SHOX: variants seen among roughly 807,000 people sequenced by gnomAD.
SHOX encodes SHOX homeobox.
SHOX carries 12 observed loss-of-function variants against 29.6 expected under a neutral mutation model. That is an observed-to-expected ratio of 0.41 (90% CI 0.26 to 0.66). The LOEUF is 0.66. Among genes scored for constraint, SHOX ranks in the 30% least tolerant of loss-of-function variants. SHOX has a pLI of 0.35. For synonymous variants in SHOX, 214 were observed against 200.6 expected, an observed-to-expected ratio of 1.07 and a Z score of -0.57; for missense variants, 499 against 437.7, an observed-to-expected ratio of 1.14 and a Z score of -1.25.
rs930279874 is a variant in SHOX at position 640,753 on chromosome X, G to C, written c.487-68G>C. 24 of 1,572,576 alleles carry C rather than the reference G, an allele frequency of 1.5e-5. No homozygotes were observed. The African/African-American group carries it at 3.1e-4, about 20-fold the overall frequency. On this transcript the variant is annotated intron_variant, in intron 2 of 4. Transcript: ENST00000686671. ...AGTGCTTGGTTCAGCCTCATGGGAA[G>C]GATGCTCCCTGGGGAGGCTGGGCTG... is the stretch of plus-strand genomic sequence containing the variant.
At position 630,912 on chromosome X, in the gene SHOX, G is replaced by A. The variant is rs2052635396; in HGVS notation, c.15G>A (p.Thr5=). 3 of 1,613,420 alleles carry A rather than the reference G, an allele frequency of 1.9e-6. No individual in the cohort carries two copies. Among genetic ancestry groups the A allele is most frequent in the South Asian group, 2.2e-5 (2 of 91,074 alleles). ...CGGCCCCAGCCATGGAAGAGCTCAC[G>A]GCTTTTGTATCCAAGTCTTTTGACC... is the stretch of plus-strand genomic sequence containing the variant. MEEL[T]AFVSKSFDQK... Residue 5 remains threonine (T), a synonymous_variant, in exon 1 of 5, where the codon ACG becomes ACA. Transcript: ENST00000686671.
At chrX:655,612 CTCTATATATATATATATATATA>C (rs1259910110), downstream of SHOX, among the ~76,000 whole-genome samples, 163 of 15,682 alleles carry the variant, frequency 0.01, 1 homozygote, top group Middle Eastern at 0.062. Context: ...CTCTCTCTCT[CTCTATATATATATATATATATA>C]TATATATATA....
chrX:633,176 G>C (rs2052679554), intron 1 of SHOX, among the ~76,000 whole-genome samples: 1 of 152,096 alleles, frequency 6.6e-6, no homozygotes, highest in South Asian at 2.1e-4. Context: ...GGGCAGGGGA[G>C]AGTCTGAGGT....
intron 1 of SHOX, among the ~76,000 whole-genome samples, chrX:631,716 A>G (rs1446924110): frequency 2.6e-5 from 4 of 152,040 alleles, no homozygotes; most frequent in African/African-American, 7.2e-5. Flanking sequence ...GCTTTTAGTA[A>G]AGACGGGGAT....
At position 648,889 on chromosome X, in the gene SHOX, C is replaced by CTCCTTCCTTCCT. The variant is rs372634110; in HGVS notation, c.*4263_*4274dup. Among the ~76,000 whole-genome samples, 23 of 141,852 alleles carry CTCCTTCCTTCCT rather than the reference C, an allele frequency of 1.6e-4. No individual in the cohort carries two copies. Among genetic ancestry groups the CTCCTTCCTTCCT allele is most frequent in the African/African-American group, 3.7e-4 (14 of 37,600 alleles). The allele number at this position is 141,852 out of a possible 152,430, so 93.1% of individuals were successfully genotyped here. A position where few individuals can be genotyped will look rare whatever the true frequency, so the allele number is the denominator to read the frequency against. The stretch of plus-strand genomic sequence containing the variant: ...ACCAACGCCCTCTTCTCTCTCCCTT[C>CTCCTTCCTTCCT]TCCTTCCTTCCTTCCTTCCTTTCTT... On this transcript the variant is annotated 3_prime_UTR_variant, in exon 5 of 5. Coordinates refer to ENST00000686671, the MANE Select transcript of SHOX (RefSeq NM_000451.4).
chrX:640,384 C>G (rs747785973), intron 2 of SHOX, among the ~76,000 whole-genome samples: 1 of 151,608 alleles, frequency 6.6e-6, no homozygotes, highest in Non-Finnish European at 1.5e-5. Context: ...AAGAGACCAG[C>G]CTGGCCAACA....
chrX:641,622 G>A (rs1165113900), intron 4 of SHOX, among the ~76,000 whole-genome samples: 2 of 150,566 alleles, frequency 1.3e-5, no homozygotes, highest in African/African-American at 4.9e-5. Context: ...GGAGGTTGCC[G>A]TGAGCCAATA....
At chrX:625,279 C>G (rs1366439642) in intron 1 of SHOX, among the ~76,000 whole-genome samples, 4 of 144,652 alleles carry the variant, frequency 2.8e-5, no homozygotes, top group Non-Finnish European at 4.5e-5. Flanking sequence ...TGCCATTTGT[C>G]TCTTTCCCCT....
At chrX:629,731 GA>G (rs1250671181), upstream of SHOX, among the ~76,000 whole-genome samples, 1 of 152,098 alleles carries the variant, frequency 6.6e-6, no homozygotes, top group Non-Finnish European at 1.5e-5. Flanking sequence ...GTTACGGGAG[GA>G]AGGGGACTCC....
At chrX:634,484 A>ACC in intron 1 of SHOX, 134 bp from the exon 2 acceptor site, 1 of 903,794 alleles carries the variant, frequency 1.1e-6, no homozygotes, top group South Asian at 1.4e-5. Context: ...TGCCTTATGG[A>ACC]CCCCACGCAG....
At chrX:652,707 C>T (rs1450753602), downstream of SHOX, among the ~76,000 whole-genome samples, 1 of 152,196 alleles carries the variant, frequency 6.6e-6, no homozygotes, top group African/African-American at 2.4e-5. Context: ...GTGTCCAGGC[C>T]ATTCTGCAAA....
At chrX:634,927 C>T in intron 2 of SHOX, 101 bp downstream of exon 2, 1 of 1,292,194 alleles carries the variant, frequency 7.7e-7, no homozygotes, top group Non-Finnish European at 1.0e-6. Flanking sequence ...CGCCGCCGTC[C>T]CCTTCCCGGA....
upstream of SHOX, among the ~76,000 whole-genome samples, chrX:626,259 C>T (rs2052530761): frequency 6.7e-6 from 1 of 150,336 alleles, no homozygotes; most frequent in African/African-American, 2.5e-5. Flanking sequence ...TCCTCTCTCT[C>T]TGTCTCTTTT....
chrX:655,596 C>G (rs1251529885), downstream of SHOX, among the ~76,000 whole-genome samples: 3 of 68,814 alleles, frequency 4.4e-5, no homozygotes, highest in African/African-American at 1.7e-4. Context: ...CTCTCTCTCT[C>G]TCTCTCTCTC....
chrX:655,503 G>A (rs1458583533), downstream of SHOX, among the ~76,000 whole-genome samples: 10 of 150,530 alleles, frequency 6.6e-5, no homozygotes, highest in African/African-American at 2.0e-4. Context: ...ACTGTGGGAG[G>A]CTGAGGCAGA....
In SHOX at chrX:644,811, G is replaced by T; in HGVS notation, c.*175G>T. The T allele has an allele frequency of 1.3e-6, 1 of 783,256 alleles. No homozygotes were observed. The highest frequency in any genetic ancestry group is 1.8e-6 in the Non-Finnish European group (1 of 552,442). The allele number at this position is 783,256 out of a possible 1,614,324, so 48.5% of individuals were successfully genotyped here. Reference sequence around the variant, plus strand: ...GAGGCTCCCGGGACCGTCCACGCACGACCCAGCCAGACCCTCGCGGAGATG... The same window carrying T: ...GAGGCTCCCGGGACCGTCCACGCACTACCCAGCCAGACCCTCGCGGAGATG... On this transcript the variant is annotated 3_prime_UTR_variant, in exon 5 of 5. Transcript: ENST00000686671.
At chrX:627,820 A>T (rs1455167839), upstream of SHOX, among the ~76,000 whole-genome samples, 3 of 152,150 alleles carry the variant, frequency 2.0e-5, no homozygotes, top group East Asian at 3.9e-4. Context: ...GGGACCCCCC[A>T]GGAAAGCCTG....
rs922062046 is a variant in SHOX, at chrX:630,833, C to A, written c.-65C>A. On this transcript the variant is annotated 5_prime_UTR_variant, in exon 1 of 5. Coordinates refer to ENST00000686671, the MANE Select transcript of SHOX (RefSeq NM_000451.4). ...TGATCCACCCGCGCGCACGGGCCGTCCTCTCCGCGCGGGGAGACGCGCGCA... is the reference window on the plus strand; with the variant it reads ...TGATCCACCCGCGCGCACGGGCCGTACTCTCCGCGCGGGGAGACGCGCGCA... 2.7e-5 allele frequency: 43 copies of A among 1,598,724 alleles called. No homozygotes were observed. The highest frequency in any genetic ancestry group is 2.3e-4 in the Admixed American group (14 of 59,676).
upstream of SHOX, among the ~76,000 whole-genome samples, chrX:628,449 C>T (rs768924015): frequency 5.6e-5 from 8 of 142,668 alleles, no homozygotes; most frequent in African/African-American, 2.1e-4. Flanking sequence ...GTCTCTCTTT[C>T]TCTCTCTCCA....
Sources: allele counts gnomAD v4.1 joint callset (sites outside exome capture counted in the v4.1 genomes callset), GRCh38; gene constraint gnomAD v4.1.1; transcripts MANE v1.5; gene names NCBI Gene and HGNC (gene_info 2026-07-23, HGNC 2026-07-21).